Variants in CNNM2 observed in about 807,000 individuals in gnomAD.
CNNM2 encodes the protein metal transporter CNNM2.
In CNNM2, 12 loss-of-function variants were observed where a neutral mutation model predicts 66.9. That is an observed-to-expected ratio of 0.18 (90% CI 0.11 to 0.29). The LOEUF is 0.29. Ranked by LOEUF, CNNM2 falls within the 10% of genes least tolerant of loss-of-function variation. CNNM2 has a pLI of 1.00. For synonymous variants in CNNM2, 557 were observed against 501.8 expected (o/e 1.11, Z -1.47); for missense variants, 705 against 1,167.7 (o/e 0.60, Z 5.77).
intron 1 of CNNM2, among the ~76,000 whole-genome samples, chr10:102,974,660 A>G (rs1475646046): frequency 6.6e-6 from 1 of 151,822 alleles, no homozygotes; most frequent in Non-Finnish European, 1.5e-5. Flanking sequence ...CAGCCCTGCC[A>G]GTAGCTGGGA....
At chr10:103,003,455 G>A (rs1209696619) in intron 1 of CNNM2, among the ~76,000 whole-genome samples, 1 of 152,048 alleles carries the variant, frequency 6.6e-6, no homozygotes. Context: ...AAATTATAAC[G>A]TGTATACAGA....
In CNNM2 at chr10:103,089,781, C is replaced by A. The variant is rs1355682373; in HGVS notation, c.*12601C>A. 1 of 1,613,928 alleles carries A rather than the reference C, an allele frequency of 6.2e-7. No individual in the cohort carries two copies. Among genetic ancestry groups the A allele is most frequent in the Non-Finnish European group, 8.5e-7 (1 of 1,179,976 alleles). On this transcript the variant is annotated 3_prime_UTR_variant, in exon 8 of 8. Transcript: ENST00000369878. ...GGGAGGTTTAATCTCACTAATTGACCGTGTCAGCTGGTGCCGCTTGTAGTC... is the reference window on the plus strand; with the variant it reads ...GGGAGGTTTAATCTCACTAATTGACAGTGTCAGCTGGTGCCGCTTGTAGTC...
chr10:103,037,096 A>G (rs991688763), intron 1 of CNNM2, among the ~76,000 whole-genome samples: 7 of 152,106 alleles, frequency 4.6e-5, no homozygotes, highest in African/African-American at 1.4e-4. Flanking sequence ...TGAATATACA[A>G]TTGTTTCAAA....
chr10:102,921,460 T>C (rs1017940777), intron 1 of CNNM2, among the ~76,000 whole-genome samples: 1 of 152,180 alleles, frequency 6.6e-6, no homozygotes, highest in Non-Finnish European at 1.5e-5. Flanking sequence ...CAGGATCACA[T>C]TGTAGTAAGT....
intron 1 of CNNM2, among the ~76,000 whole-genome samples, chr10:102,997,965 A>G (rs1396901727): frequency 2.0e-5 from 3 of 152,148 alleles, no homozygotes; most frequent in Non-Finnish European, 4.4e-5. Context: ...CATGTTTAAC[A>G]TGACTTGCAC....
intron 1 of CNNM2, among the ~76,000 whole-genome samples, chr10:103,004,375 T>C (rs1006020473): frequency 4.6e-5 from 7 of 152,206 alleles, no homozygotes; most frequent in Admixed American, 4.6e-4. Context: ...TTTTAGCTAT[T>C]ATGAATAGTG....
chr10:103,033,910 A>G (rs1051936364), intron 1 of CNNM2, among the ~76,000 whole-genome samples: 4 of 152,218 alleles, frequency 2.6e-5, no homozygotes, highest in South Asian at 4.1e-4. Flanking sequence ...TTTCTCCTCT[A>G]TAATGAAGAT....
chr10:103,037,172 C>T (rs1207586228), intron 1 of CNNM2, among the ~76,000 whole-genome samples: 1 of 151,082 alleles, frequency 6.6e-6, no homozygotes, highest in Non-Finnish European at 1.5e-5. Flanking sequence ...TAATCATTTC[C>T]TAATTGATCT....
chr10:102,965,948 T>C (rs1392169956), intron 1 of CNNM2, among the ~76,000 whole-genome samples: 3 of 152,186 alleles, frequency 2.0e-5, no homozygotes, highest in Non-Finnish European at 4.4e-5. Context: ...ATAGGGTCTT[T>C]GTCACAGCTG....
intron 1 of CNNM2, among the ~76,000 whole-genome samples, chr10:103,022,812 C>G (rs2134288434): frequency 6.6e-6 from 1 of 152,240 alleles, no homozygotes; most frequent in Non-Finnish European, 1.5e-5. Context: ...GTGAGGGTCT[C>G]AGGAAGTTTA....
chr10:103,030,113 T>C (rs975513772), intron 1 of CNNM2, among the ~76,000 whole-genome samples: 3 of 152,072 alleles, frequency 2.0e-5, no homozygotes, highest in African/African-American at 7.2e-5. Context: ...ATAGCATATC[T>C]AGTTTGGGGA....
Position 103,089,947 on chromosome 10 carries a change from A to T in CNNM2, c.*12767A>T. 4 of 1,527,920 alleles carry T rather than the reference A, an allele frequency of 2.6e-6. No individual in the cohort carries two copies. The highest frequency in any genetic ancestry group is 3.5e-6 in the Non-Finnish European group (4 of 1,132,448). 94.6% of individuals were successfully genotyped at this position (1,527,920 alleles called of 1,614,324 possible). A position where few individuals can be genotyped will look rare whatever the true frequency, so the allele number is the denominator to read the frequency against. ...AGCTAGAGGCTCAGAAAGCAGGCAGAGCAAAGTAGCTACTCCCCAAATCCT... is the reference window on the plus strand; with the variant it reads ...AGCTAGAGGCTCAGAAAGCAGGCAGTGCAAAGTAGCTACTCCCCAAATCCT... On this transcript the variant is annotated 3_prime_UTR_variant, in exon 8 of 8. Transcript: ENST00000369878.
rs74156605 is a variant in CNNM2, at chr10:102,993,540, C to T, written c.1622-56167C>T. ...AATTTTGGAATGTTTTTTGTTTTGT[C>T]TGTTGCCTTTTGCTTATAGTGGATT... On this transcript the variant is annotated intron_variant, in intron 1 of 7. Coordinates refer to ENST00000369878, the MANE Select transcript of CNNM2 (RefSeq NM_017649.5). 0.026 allele frequency among the ~76,000 whole-genome samples: 3,997 copies of T among 152,136 alleles called. 156 individuals are homozygous for T. The highest frequency in any genetic ancestry group is 0.089 in the African/African-American group (3,713 of 41,534).
chr10:102,950,642 T>TA (rs1270129159), intron 1 of CNNM2, among the ~76,000 whole-genome samples: 1 of 151,964 alleles, frequency 6.6e-6, no homozygotes, highest in African/African-American at 2.4e-5. Context: ...CACTCCCAGC[T>TA]ACTCATGACA....
chr10:102,988,730 C>G (rs1590355586), intron 1 of CNNM2, among the ~76,000 whole-genome samples: 3 of 152,102 alleles, frequency 2.0e-5, no homozygotes, highest in East Asian at 3.9e-4. Flanking sequence ...TTAATTATAC[C>G]TAAAAATAGC....
At chr10:102,946,489 G>T (rs1434214407) in intron 1 of CNNM2, among the ~76,000 whole-genome samples, 2 of 152,158 alleles carry the variant, frequency 1.3e-5, no homozygotes, top group African/African-American at 4.8e-5. Flanking sequence ...TGACAGAAAA[G>T]TCTCTCACGG....
intron 1 of CNNM2, among the ~76,000 whole-genome samples, chr10:102,953,923 C>A (rs550201147): frequency 6.6e-6 from 1 of 152,054 alleles, no homozygotes; most frequent in Non-Finnish European, 1.5e-5. Flanking sequence ...TTTTACCTAA[C>A]AACAGCCCAG....
intron 7 of CNNM2, 62 bp from the exon 8 acceptor site, chr10:103,076,909 A>G: frequency 1.4e-6 from 2 of 1,465,334 alleles, no homozygotes; most frequent in Non-Finnish European, 1.9e-6. Flanking sequence ...ACGTGTGGAG[A>G]TCAGAGAACC....
chr10:103,036,586 G>C (rs1218143017), intron 1 of CNNM2, among the ~76,000 whole-genome samples: 1 of 152,188 alleles, frequency 6.6e-6, no homozygotes. Context: ...ATCAAATCGA[G>C]GTGGGGTCTC....
Sources: gnomAD v4.1 joint callset for allele counts (sites outside exome capture counted in the v4.1 genomes callset) on GRCh38, gnomAD v4.1.1 for gene constraint, MANE v1.5 for transcripts, NCBI Gene and HGNC (gene_info 2026-07-23, HGNC 2026-07-21) for gene names.